The following GALNT14 variants were observed in gnomAD, a reference collection of about 807,000 sequenced individuals.
The protein encoded by GALNT14 is UDP-GalNAc:polypeptide N-acetylgalactosaminyltransferase 14.
Under a neutral mutation model 77.5 loss-of-function variants are expected in GALNT14, and 60 were observed. The ratio of observed to expected loss-of-function variants is 0.77; its 90% CI spans 0.63 to 0.96. GALNT14 has a LOEUF of 0.96. Ranked by LOEUF, GALNT14 falls within the 40% of genes least tolerant of loss-of-function variation. GALNT14 has a pLI of 0.00. For synonymous variants in GALNT14, 280 were observed against 281.7 expected, an observed-to-expected ratio of 0.99 and a Z score of 0.06; for missense variants, 710 against 731.0, an observed-to-expected ratio of 0.97 and a Z score of 0.33.
chr2:31,010,331 A>G (rs369355778), intron 1 of GALNT14, among the ~76,000 whole-genome samples: 21 of 152,318 alleles, frequency 1.4e-4, no homozygotes, highest in Admixed American at 5.2e-4. Context: ...TGGGCGTGGT[A>G]GCTCATGCCT....
intron 13 of GALNT14, among the ~76,000 whole-genome samples, chr2:30,913,818 T>A (rs1188246154): frequency 6.6e-6 from 1 of 152,156 alleles, no homozygotes; most frequent in African/African-American, 2.4e-5. Context: ...TGTCCTTGAG[T>A]CTTGTTCTTA....
At chr2:30,902,844 C>T in the GALNT14 span, among the ~76,000 whole-genome samples, 1 of 152,096 alleles carries the variant, frequency 6.6e-6, no homozygotes, top group African/African-American at 2.4e-5. Context: ...GAGGACGATC[C>T]CAGGCTCTCT....
rs1300688166 is a variant in GALNT14, at chr2:30,992,912, C to T, written c.225G>A (p.Lys75=). 1.2e-6 allele frequency: 2 copies of T among 1,614,178 alleles called. No homozygotes were observed. The highest frequency in any genetic ancestry group is 1.7e-6 in the Non-Finnish European group (2 of 1,180,030). Residue 75 remains lysine (K), a synonymous_variant, in exon 2 of 15, where the codon AAG becomes AAA. Transcript: ENST00000349752. ...TCTCCCGCTGGTTGAAAGCATACAG[C>T]TTATAGGGGTCGTCACCAACGCGCC... The part of the protein sequence containing the change: ...KKWRVGDDPY[K]LYAFNQRESE...
At chr2:31,126,991 A>T (rs1678736158) in intron 1 of GALNT14, 1 of 152,230 alleles carries the variant, frequency 6.6e-6, no homozygotes, top group African/African-American at 2.4e-5. Flanking sequence ...CTGACCCTAA[A>T]TGAGGTGCTA....
At chr2:30,904,681 A>T in the GALNT14 span, among the ~76,000 whole-genome samples, 3 of 152,202 alleles carry the variant, frequency 2.0e-5, no homozygotes, top group South Asian at 6.2e-4. Context: ...CAAAGCAGCC[A>T]GGAAGCTCGA....
In GALNT14 at chr2:30,924,802, C is replaced by G. The variant is rs1464584682; in HGVS notation, c.1173G>C (p.Leu391=). 1.2e-6 allele frequency: 2 copies of G among 1,613,958 alleles called. No individual in the cohort carries two copies. Among genetic ancestry groups the G allele is most frequent in the Non-Finnish European group, 1.7e-6 (2 of 1,179,994 alleles). Residue 391 remains leucine, a synonymous_variant, in exon 12 of 15, where the codon CTG becomes CTC. Transcript: ENST00000349752. The part of the protein sequence containing the change: ...PFGNVESRLD[L]RKNLRCQSFK... Reference sequence around the variant, plus strand: ...AGCTCTGGCAGCGCAGATTCTTCCTCAGGTCCAATCTGCTCTCAACACTGG... The same window carrying G: ...AGCTCTGGCAGCGCAGATTCTTCCTGAGGTCCAATCTGCTCTCAACACTGG...
rs747055588 is a variant in GALNT14 at position 30,955,619 on chromosome 2, T to C, written c.653A>G (p.Glu218Gly). The change falls in exon 6 of 15, where the codon GAG (glutamate) becomes GGG (glycine). Residue 218 changes from glutamate (E) to glycine (G), a missense_variant and splice_region_variant. Transcript: ENST00000349752. Reference protein sequence around the residue: ...WLQPLLHRVKEDYTRVVCPVI... With the variant: ...WLQPLLHRVKGDYTRVVCPVI... ...GCCCTGCTCCTCAGCCTCACTCACC[T>C]CTTTGACCCTGTGCAACAGAGGCTG... is the stretch of plus-strand genomic sequence containing the variant. 6.8e-6 allele frequency: 11 copies of C among 1,614,000 alleles called. No homozygotes were observed. Among genetic ancestry groups the C allele is most frequent in the Non-Finnish European group, 8.5e-6 (10 of 1,179,986 alleles).
chr2:30,895,987 CTG>C, the GALNT14 span, among the ~76,000 whole-genome samples: 2 of 152,236 alleles, frequency 1.3e-5, no homozygotes, highest in African/African-American at 4.8e-5. Flanking sequence ...GGCCCCCACT[CTG>C]CCATATATCA....
the GALNT14 span, among the ~76,000 whole-genome samples, chr2:30,898,943 G>A: frequency 6.6e-6 from 1 of 152,174 alleles, no homozygotes; most frequent in Non-Finnish European, 1.5e-5. Flanking sequence ...GGCCTGGGTA[G>A]AATGGAGGGG....
Position 31,039,616 on chromosome 2 carries a change from T to C in GALNT14, c.130-46609A>G, listed in dbSNP as rs141810708. On this transcript the variant is annotated intron_variant, in intron 1 of 14. Coordinates refer to ENST00000349752, the MANE Select transcript of GALNT14 (RefSeq NM_024572.4). ...CCTCATATGTTCCCTCAACCACTGA[T>C]AGAACCTCAGGCCTATTTGCCTAGT... Among the ~76,000 whole-genome samples, 81 of 152,340 alleles carry C rather than the reference T, an allele frequency of 5.3e-4. 1 individual carries two copies. The East Asian group carries it at 0.014, about 26-fold the overall frequency.
At chr2:30,911,786 C>T (rs965925346) in intron 14 of GALNT14, among the ~76,000 whole-genome samples, 12 of 152,214 alleles carry the variant, frequency 7.9e-5, no homozygotes, top group Non-Finnish European at 1.5e-4. Context: ...TGAATGGAGA[C>T]ATCACTTTGC....
At chr2:31,051,049 C>T (rs902629677) in intron 1 of GALNT14, among the ~76,000 whole-genome samples, 4 of 152,068 alleles carry the variant, frequency 2.6e-5, no homozygotes, top group Admixed American at 6.5e-5. Context: ...CAAGAAAGTT[C>T]GCTGGATGGA....
chr2:31,130,965 A>C (rs1310258810), intron 1 of GALNT14, among the ~76,000 whole-genome samples: 1 of 152,160 alleles, frequency 6.6e-6, no homozygotes, highest in East Asian at 1.9e-4. Context: ...TCTGTAGTAT[A>C]ATTATTTATA....
At chr2:30,941,198 G>A (rs146636879) in intron 9 of GALNT14, among the ~76,000 whole-genome samples, 6 of 152,290 alleles carry the variant, frequency 3.9e-5, no homozygotes, top group Non-Finnish European at 8.8e-5. Flanking sequence ...GAGAGGGAAG[G>A]GTCCTGACAC....
intron 1 of GALNT14, among the ~76,000 whole-genome samples, chr2:31,036,596 T>C (rs1177618144): frequency 6.6e-6 from 1 of 152,248 alleles, no homozygotes; most frequent in Admixed American, 6.5e-5. Context: ...CCTTTACTAC[T>C]GTTCTTATTT....
intron 1 of GALNT14, among the ~76,000 whole-genome samples, chr2:31,026,405 G>A (rs959956951): frequency 6.6e-6 from 1 of 152,314 alleles, no homozygotes; most frequent in South Asian, 2.1e-4. Context: ...ACACCCTCCT[G>A]TTGCTTTTAA....
chr2:30,968,031 T>TC (rs762218172), intron 2 of GALNT14, among the ~76,000 whole-genome samples: 2 of 152,234 alleles, frequency 1.3e-5, no homozygotes, highest in East Asian at 3.9e-4. Flanking sequence ...TGTTCCATAC[T>TC]CCCCCAAATA....
intron 3 of GALNT14, among the ~76,000 whole-genome samples, chr2:30,963,978 G>A (rs1310939979): frequency 6.6e-6 from 1 of 152,192 alleles, no homozygotes; most frequent in Non-Finnish European, 1.5e-5. Flanking sequence ...TGCCCTAAAG[G>A]AGCTCACTGA....
rs111760486 is a variant in GALNT14 at position 31,024,405 on chromosome 2, G to A, written c.130-31398C>T. 5.0e-3 allele frequency among the ~76,000 whole-genome samples: 762 copies of A among 152,104 alleles called. 3 individuals are homozygous for A. Among genetic ancestry groups the A allele is most frequent in the South Asian group, 0.011 (54 of 4,808 alleles). ...AAGGCCCCACCAAGGCCCCACACAC[G>A]GTGGCCCAAAGTCCCCTCCTACTGC... is the stretch of plus-strand genomic sequence containing the variant. On this transcript the variant is annotated intron_variant, in intron 1 of 14. Transcript: ENST00000349752.
Sources: allele counts gnomAD v4.1 joint callset (sites outside exome capture counted in the v4.1 genomes callset), GRCh38; gene constraint gnomAD v4.1.1; transcripts MANE v1.5; gene names NCBI Gene and HGNC (gene_info 2026-07-23, HGNC 2026-07-21).